The following SYTL5 variants were observed in gnomAD, a reference collection of about 807,000 sequenced individuals.
SYTL5 encodes synaptotagmin like 5.
SYTL5 carries 34 observed loss-of-function variants against 55.9 expected under a neutral mutation model. That is an observed-to-expected ratio of 0.61 (90% CI 0.46 to 0.81). The LOEUF (loss-of-function observed/expected upper bound fraction) is 0.81, where lower values mean the gene tolerates loss of function less well. Ranked by LOEUF, SYTL5 falls within the 30% of genes least tolerant of loss-of-function variation. The pLI, the probability that SYTL5 is intolerant of heterozygous loss-of-function variation, is 0.00. For synonymous variants in SYTL5, 221 were observed against 188.7 expected, an observed-to-expected ratio of 1.17 and a Z score of -1.40; for missense variants, 637 against 546.7, an observed-to-expected ratio of 1.17 and a Z score of -1.65.
chrX:37,980,972 A>G, the SYTL5 span, among the ~76,000 whole-genome samples: 6 of 112,404 alleles, frequency 5.3e-5, no homozygotes, highest in Non-Finnish European at 1.1e-4. Flanking sequence ...TTCAGCTCCT[A>G]TGACAGGGAT....
At chrX:38,014,824 A>G (rs1934298148) in intron 1 of SYTL5, among the ~76,000 whole-genome samples, 1 of 112,186 alleles carries the variant, frequency 8.9e-6, no homozygotes. Context: ...TCAGATACAC[A>G]TTTGTCTTCT....
At chrX:37,925,754 C>T in the SYTL5 span, among the ~76,000 whole-genome samples, 3 of 110,749 alleles carry the variant, frequency 2.7e-5, no homozygotes, top group Non-Finnish European at 3.8e-5. Flanking sequence ...ATCCCTCACC[C>T]CCCTCTTCCC....
At chrX:38,043,690 T>TATATATATATATATATAC (rs1366385489) in intron 2 of SYTL5, among the ~76,000 whole-genome samples, 1 of 69,556 alleles carries the variant, frequency 1.4e-5, no homozygotes, top group Non-Finnish European at 2.4e-5. Flanking sequence ...TATATATATA[T>TATATATATATATATATAC]ACATATATAT....
chrX:37,990,021 C>T, the SYTL5 span, among the ~76,000 whole-genome samples: 957 of 109,998 alleles, frequency 8.7e-3, 15 homozygotes, highest in African/African-American at 0.029. Flanking sequence ...TACAGGCGCC[C>T]GCCACCACGC....
the SYTL5 span, among the ~76,000 whole-genome samples, chrX:37,979,168 T>C: frequency 9.0e-6 from 1 of 110,704 alleles, no homozygotes; most frequent in Non-Finnish European, 1.9e-5. Flanking sequence ...AAACAGTCTG[T>C]GGTCTGTGCC....
the SYTL5 span, among the ~76,000 whole-genome samples, chrX:37,981,762 AAG>A: frequency 9.0e-6 from 1 of 111,203 alleles, no homozygotes; most frequent in African/African-American, 3.3e-5. Context: ...GAAAGAGAAA[AAG>A]AGAGCTCTGC....
the SYTL5 span, among the ~76,000 whole-genome samples, chrX:37,902,551 C>T: frequency 8.9e-6 from 1 of 111,937 alleles, no homozygotes; most frequent in Non-Finnish European, 1.9e-5. Flanking sequence ...ATTTTTCAGC[C>T]GAGTATGTCA....
At chrX:38,045,175 A>T (rs1935422278) in intron 2 of SYTL5, among the ~76,000 whole-genome samples, 1 of 112,096 alleles carries the variant, frequency 8.9e-6, no homozygotes, top group South Asian at 3.7e-4. Context: ...AAAATTTGGC[A>T]GAGGTCACCA....
At chrX:37,970,746 A>G in the SYTL5 span, among the ~76,000 whole-genome samples, 1 of 112,186 alleles carries the variant, frequency 8.9e-6, no homozygotes, top group Non-Finnish European at 1.9e-5. Flanking sequence ...AATAAAACTT[A>G]TGGTTAGTTT....
At chrX:37,996,770 T>C in the SYTL5 span, among the ~76,000 whole-genome samples, 1 of 111,746 alleles carries the variant, frequency 8.9e-6, no homozygotes, top group Admixed American at 9.4e-5. Context: ...CTTTATGTGA[T>C]AGATCCTACA....
the SYTL5 span, among the ~76,000 whole-genome samples, chrX:37,988,555 A>G: frequency 2.7e-5 from 3 of 112,457 alleles, no homozygotes; most frequent in African/African-American, 9.7e-5. Flanking sequence ...AATAATTTTC[A>G]GGAGCATTAT....
chrX:37,947,718 G>C, the SYTL5 span, among the ~76,000 whole-genome samples: 1 of 111,351 alleles, frequency 9.0e-6, no homozygotes, highest in African/African-American at 3.3e-5. Flanking sequence ...AAACTGCATA[G>C]ATTTGGCAGA....
chrX:38,072,541 G>A (rs934635517), intron 4 of SYTL5, among the ~76,000 whole-genome samples: 2 of 111,920 alleles, frequency 1.8e-5, no homozygotes, highest in African/African-American at 3.3e-5. Flanking sequence ...ATTTATTTCC[G>A]ATTTCCTTTC....
At chrX:37,961,702 T>C in the SYTL5 span, among the ~76,000 whole-genome samples, 6 of 112,274 alleles carry the variant, frequency 5.3e-5, no homozygotes, top group Admixed American at 2.8e-4. Context: ...ATTTTATGAC[T>C]GCATTATTTT....
At chrX:37,890,055 A>G in the SYTL5 span, among the ~76,000 whole-genome samples, 299 of 111,548 alleles carry the variant, frequency 2.7e-3, 1 homozygote, top group African/African-American at 9.4e-3. Context: ...GAAGGTAACA[A>G]AAGCCCACCA....
the SYTL5 span, chrX:37,946,114 A>C: frequency 0.45 from 50,919 of 114,386 alleles, 8,084 homozygotes; most frequent in East Asian, 0.61. Context: ...TATACCTTGC[A>C]TTAAAAAGAA....
chrX:38,088,295 C>T (rs1348455298), intron 6 of SYTL5, among the ~76,000 whole-genome samples: 1 of 111,838 alleles, frequency 8.9e-6, no homozygotes, highest in East Asian at 2.8e-4. Flanking sequence ...TTAACCTTTC[C>T]TCTTATTGGC....
chrX:38,010,617 A>C (rs778055952), intron 1 of SYTL5, among the ~76,000 whole-genome samples: 2 of 111,682 alleles, frequency 1.8e-5, no homozygotes, highest in Non-Finnish European at 3.8e-5. Flanking sequence ...TATCCAAATA[A>C]ATGTCCAAAT....
intron 7 of SYTL5, among the ~76,000 whole-genome samples, chrX:38,091,804 C>T (rs759783405): frequency 8.1e-5 from 9 of 111,407 alleles, no homozygotes; most frequent in Non-Finnish European, 1.1e-4. Flanking sequence ...GGGGAAATCA[C>T]CCTTTTCATG....
Sources: allele counts gnomAD v4.1 joint callset (sites outside exome capture counted in the v4.1 genomes callset), GRCh38; gene constraint gnomAD v4.1.1; transcripts MANE v1.5; gene names NCBI Gene and HGNC (gene_info 2026-07-23, HGNC 2026-07-21).